The following MRPS6 variants were observed in gnomAD, a reference collection of about 807,000 sequenced individuals.
The protein encoded by MRPS6 is mitochondrial ribosomal protein S6.
Under a neutral mutation model 13.1 loss-of-function variants are expected in MRPS6, and 6 were observed. The observed-to-expected ratio is 0.46, with a 90% CI of 0.25 to 0.91. The LOEUF is 0.91. Among genes scored for constraint, MRPS6 ranks in the 40% least tolerant of loss-of-function variants. MRPS6 has a pLI of 0.18. For missense variants in MRPS6, 164 were observed against 155.6 expected, an observed-to-expected ratio of 1.05 and a Z score of -0.29; for synonymous variants, 61 against 56.5, an observed-to-expected ratio of 1.08 and a Z score of -0.36.
At chr21:34,141,795 C>T (rs758082940) in intron 2 of MRPS6, among the ~76,000 whole-genome samples, 1 of 152,166 alleles carries the variant, frequency 6.6e-6, no homozygotes, top group Non-Finnish European at 1.5e-5. Flanking sequence ...GTGAGCCGTG[C>T]GGGATGCCCG....
chr21:34,101,404 C>G (rs1365349373), intron 1 of MRPS6: 1 of 1,000,004 alleles, frequency 1.0e-6, no homozygotes, highest in Non-Finnish European at 1.2e-6. Flanking sequence ...TAGAAAAATG[C>G]TTTGAGGCTT....
chr21:34,133,695 C>T (rs959279551), intron 2 of MRPS6, among the ~76,000 whole-genome samples: 1 of 152,142 alleles, frequency 6.6e-6, no homozygotes, highest in African/African-American at 2.4e-5. Context: ...CTTGCTAGAG[C>T]CTCCCTCCTG....
In MRPS6 at chr21:34,099,069, TTGTC is replaced by T. The variant is rs552106266; in HGVS notation, c.45+25325_45+25328del. The T allele has an allele frequency of 9.8e-5, 98 of 999,382 alleles. No individual in the cohort carries two copies. In the South Asian group the frequency reaches 4.0e-3, roughly 41 times the overall value. 61.9% of individuals were successfully genotyped at this position (999,382 alleles called of 1,614,324 possible). ...ATTAGTCCAAAGTTAATTTTAGAAA[TTGTC>T]AGGTAGCATAGTGTCTTCCCATGAT... is the stretch of plus-strand genomic sequence containing the variant. On this transcript the variant is annotated intron_variant, in intron 1 of 2. Coordinates refer to ENST00000399312, the MANE Select transcript of MRPS6 (RefSeq NM_032476.4).
At chr21:34,093,812 T>A (rs1358876794) in intron 1 of MRPS6, among the ~76,000 whole-genome samples, 1 of 152,204 alleles carries the variant, frequency 6.6e-6, no homozygotes, top group Non-Finnish European at 1.5e-5. Context: ...AAATGTCTGT[T>A]TTGCAGAGTG....
At chr21:34,115,857 C>T (rs545899568) in intron 1 of MRPS6, among the ~76,000 whole-genome samples, 1 of 150,832 alleles carries the variant, frequency 6.6e-6, no homozygotes, top group East Asian at 1.9e-4. Flanking sequence ...TGTTTTGCTA[C>T]CTAGGGAAGA....
At chr21:34,076,095 T>A (rs1387711690) in intron 1 of MRPS6, among the ~76,000 whole-genome samples, 1 of 152,210 alleles carries the variant, frequency 6.6e-6, no homozygotes, top group Admixed American at 6.5e-5. Flanking sequence ...AAATCATTTG[T>A]GCATCTTGGA....
At chr21:34,076,793 CTTAG>C (rs1485037363) in intron 1 of MRPS6, among the ~76,000 whole-genome samples, 1 of 152,088 alleles carries the variant, frequency 6.6e-6, no homozygotes, top group African/African-American at 2.4e-5. Context: ...TTAGACCAGT[CTTAG>C]TTCATATTTA....
intron 1 of MRPS6, 184 bp from the exon 2 acceptor site, chr21:34,125,157 T>C: frequency 1.1e-6 from 1 of 943,986 alleles, no homozygotes; most frequent in Non-Finnish European, 1.5e-6. Context: ...CTATCTCATA[T>C]CCTTACAATA....
chr21:34,119,807 AGTGGTG>A lies in MRPS6; in HGVS notation c.46-5528_46-5523del, dbSNP rs144476010. ...TTAGGTTAAACGTTGGTCATTGACTAGTGGTGGTGGTTATGATACTTCCATGAATTC... is the reference window on the plus strand; with the variant it reads ...TTAGGTTAAACGTTGGTCATTGACTAGTGGTTATGATACTTCCATGAATTC... On this transcript the variant is annotated intron_variant, in intron 1 of 2. Transcript: ENST00000399312. 5.3e-3 allele frequency among the ~76,000 whole-genome samples: 803 copies of A among 152,296 alleles called. 9 individuals carry two copies. The highest frequency in any genetic ancestry group is 0.017 in the African/African-American group (702 of 41,560).
intron 1 of MRPS6, among the ~76,000 whole-genome samples, chr21:34,120,687 T>C (rs963699559): frequency 2.0e-5 from 3 of 152,194 alleles, no homozygotes; most frequent in African/African-American, 7.2e-5. Flanking sequence ...AATTTTAACA[T>C]TTATATTTAT....
In MRPS6 at chr21:34,129,103, C is replaced by T. The variant is rs550299952; in HGVS notation, c.185+3623C>T. Among the ~76,000 whole-genome samples the T allele has an allele frequency of 6.6e-5, 10 of 152,134 alleles. No homozygotes were observed. In the South Asian group the frequency reaches 8.3e-4, roughly 13 times the overall value. On this transcript the variant is annotated intron_variant, in intron 2 of 2. Coordinates refer to ENST00000399312, the MANE Select transcript of MRPS6 (RefSeq NM_032476.4). ...GGAAAATTCTTACTGTATTCCTGGGCGTTTGGAAGGGGAAGATGTCATTTA... is the reference window on the plus strand; with the variant it reads ...GGAAAATTCTTACTGTATTCCTGGGTGTTTGGAAGGGGAAGATGTCATTTA...
intron 1 of MRPS6, among the ~76,000 whole-genome samples, chr21:34,088,209 G>GC (rs36106645): frequency 1 from 152,359 of 152,362 alleles, 76,178 homozygotes; most frequent in Middle Eastern, 1. Context: ...AGAATCTATA[G>GC]CTGTGATGAC....
intron 1 of MRPS6, among the ~76,000 whole-genome samples, chr21:34,112,921 CT>C (rs981678341): frequency 3.3e-5 from 5 of 152,042 alleles, no homozygotes; most frequent in African/African-American, 4.8e-5. Context: ...CTTTGGGAGG[CT>C]GAGGTGGGTG....
At chr21:34,134,469 T>TTA (rs1468672531) in intron 2 of MRPS6, among the ~76,000 whole-genome samples, 1 of 152,228 alleles carries the variant, frequency 6.6e-6, no homozygotes, top group Non-Finnish European at 1.5e-5. Context: ...CCATTCAGCT[T>TTA]CTAAACTGCC....
At chr21:34,107,252 A>C (rs972321036) in intron 1 of MRPS6, among the ~76,000 whole-genome samples, 8 of 152,218 alleles carry the variant, frequency 5.3e-5, no homozygotes, top group African/African-American at 1.9e-4. Flanking sequence ...TTTTTAAAGT[A>C]ATACAGGCCA....
rs1289513675 is a variant in MRPS6 at position 34,073,693 on chromosome 21, C to G, written c.-8C>G. On this transcript the variant is annotated 5_prime_UTR_variant, in exon 1 of 3. Coordinates refer to ENST00000399312, the MANE Select transcript of MRPS6 (RefSeq NM_032476.4). ...GGCTTCCGAGCCGCACTCGCCGATCCTCCAGGCATGCCCCGCTACGAGCTG... is the reference window on the plus strand; with the variant it reads ...GGCTTCCGAGCCGCACTCGCCGATCGTCCAGGCATGCCCCGCTACGAGCTG... 1 of 1,521,102 alleles carries G rather than the reference C, an allele frequency of 6.6e-7. No individual in the cohort carries two copies. The highest frequency in any genetic ancestry group is 1.8e-5 in the Admixed American group (1 of 54,206). 94.2% of individuals were successfully genotyped at this position (1,521,102 alleles called of 1,614,324 possible). A position where few individuals can be genotyped will look rare whatever the true frequency, so the allele number is the denominator to read the frequency against.
At chr21:34,074,435 C>T (rs1204565243) in intron 1 of MRPS6, among the ~76,000 whole-genome samples, 1 of 152,236 alleles carries the variant, frequency 6.6e-6, no homozygotes, top group Non-Finnish European at 1.5e-5. Flanking sequence ...TCTTGCGCCT[C>T]CAGAAGACAC....
At chr21:34,131,228 T>A (rs1980490735) in intron 2 of MRPS6, among the ~76,000 whole-genome samples, 1 of 152,238 alleles carries the variant, frequency 6.6e-6, no homozygotes. Context: ...TCCAGACGTT[T>A]GTGCCTTGAG....
At position 34,100,680 on chromosome 21, in the gene MRPS6, T is replaced by TA. The variant is rs1979196009; in HGVS notation, c.46-24660dup. The TA allele has an allele frequency of 1.8e-5, 18 of 1,000,244 alleles. No individual in the cohort carries two copies. In the South Asian group the frequency reaches 7.5e-4, roughly 42 times the overall value. 62.0% of individuals were successfully genotyped at this position (1,000,244 alleles called of 1,614,324 possible). On this transcript the variant is annotated intron_variant, in intron 1 of 2. Coordinates refer to ENST00000399312, the MANE Select transcript of MRPS6 (RefSeq NM_032476.4). ...TTAAGAACTGAGTTGAGGGGGTTGT[T>TA]ATGCACTTCTGTAACTTGAGGCTAA...
Sources: allele counts gnomAD v4.1 joint callset (sites outside exome capture counted in the v4.1 genomes callset), GRCh38; gene constraint gnomAD v4.1.1; transcripts MANE v1.5; gene names NCBI Gene and HGNC (gene_info 2026-07-23, HGNC 2026-07-21).